Variants in ANKRD6 observed in about 807,000 individuals in gnomAD.
ANKRD6 encodes ankyrin repeat domain 6.
ANKRD6 carries 56 observed loss-of-function variants against 82.3 expected under a neutral mutation model. That is an observed-to-expected ratio of 0.68 (90% confidence interval 0.55 to 0.85). The LOEUF (loss-of-function observed/expected upper bound fraction) is 0.85, where lower values mean the gene tolerates loss of function less well. Ranked by LOEUF, ANKRD6 falls within the 40% of genes least tolerant of loss-of-function variation. The probability of loss-of-function intolerance (pLI) is 0.00; values close to 1 mark genes in which losing one functional copy is unlikely to be tolerated. For missense variants in ANKRD6, 852 were observed against 907.6 expected (o/e 0.94, Z 0.79); for synonymous variants, 347 against 352.1 (o/e 0.99, Z 0.16).
At chr6:89,545,212 C>CAAAAAA (rs754348482) in intron 1 of ANKRD6, among the ~76,000 whole-genome samples, 2 of 86,276 alleles carry the variant, frequency 2.3e-5, no homozygotes, top group Non-Finnish European at 2.2e-5. Flanking sequence ...GACTCCATCT[C>CAAAAAA]AAAAAAAAAA....
At chr6:89,622,112 GGTGGCTGCCCGGC>G in intron 10 of ANKRD6, 86 bp downstream of exon 10, 2 of 1,255,122 alleles carry the variant, frequency 1.6e-6, no homozygotes, top group South Asian at 2.8e-5. Flanking sequence ...AGGTTCACCT[GGTGGCTGCCCGGC>G]CCTCTCTGCC....
At chr6:89,490,556 C>T (rs531413001) in intron 1 of ANKRD6, among the ~76,000 whole-genome samples, 8 of 152,124 alleles carry the variant, frequency 5.3e-5, no homozygotes, top group Non-Finnish European at 8.8e-5. Flanking sequence ...CAGATGATAG[C>T]GGGGAGACAG....
At position 89,556,721 on chromosome 6, in the gene ANKRD6, C is replaced by G. The variant is rs188281227; in HGVS notation, c.-143-10113C>G. Among the ~76,000 whole-genome samples the G allele has an allele frequency of 9.2e-4, 140 of 152,298 alleles. 1 individual carries two copies. The South Asian group carries it at 0.013, about 14-fold the overall frequency. Reference sequence around the variant, plus strand: ...AGATCAAGGAACATCTAAACAGTAACCATAGAACCATGCTTATGTTAACTG... The same window carrying G: ...AGATCAAGGAACATCTAAACAGTAAGCATAGAACCATGCTTATGTTAACTG... On this transcript the variant is annotated intron_variant, in intron 1 of 15. Coordinates refer to ENST00000339746, the MANE Select transcript of ANKRD6 (RefSeq NM_001242809.2).
intron 1 of ANKRD6, among the ~76,000 whole-genome samples, chr6:89,504,339 T>C (rs1779593105): frequency 6.6e-6 from 1 of 152,110 alleles, no homozygotes; most frequent in South Asian, 2.1e-4. Flanking sequence ...AGGTTCTCCA[T>C]AGAGGGTAGC....
At chr6:89,555,066 T>C in intron 1 of ANKRD6, among the ~76,000 whole-genome samples, 2 of 71,400 alleles carry the variant, frequency 2.8e-5, no homozygotes, top group African/African-American at 5.8e-5. Flanking sequence ...CTCCCCCCCT[T>C]CTCTTCTCAT....
intron 1 of ANKRD6, among the ~76,000 whole-genome samples, chr6:89,527,619 A>G (rs1474530588): frequency 6.6e-6 from 1 of 151,258 alleles, no homozygotes; most frequent in Non-Finnish European, 1.5e-5. Context: ...AAAAAAAAAA[A>G]AAAAAAAGAA....
chr6:89,436,470 G>A (rs935220955), intron 1 of ANKRD6, among the ~76,000 whole-genome samples: 21 of 152,146 alleles, frequency 1.4e-4, no homozygotes, highest in African/African-American at 5.1e-4. Context: ...TTTCTACATT[G>A]CCCATTTTAA....
chr6:89,547,231 G>A (rs1234181877), intron 1 of ANKRD6, among the ~76,000 whole-genome samples: 2 of 151,972 alleles, frequency 1.3e-5, no homozygotes, highest in Admixed American at 1.3e-4. Flanking sequence ...CTAGCAATGA[G>A]TTGAGGCAGA....
chr6:89,498,839 A>G (rs1290099040), intron 1 of ANKRD6, among the ~76,000 whole-genome samples: 2 of 152,204 alleles, frequency 1.3e-5, no homozygotes, highest in African/African-American at 4.8e-5. Context: ...TAATGTTTTC[A>G]TAATTATTGA....
intron 2 of ANKRD6, among the ~76,000 whole-genome samples, chr6:89,574,446 C>T (rs1269244705): frequency 6.6e-6 from 1 of 152,124 alleles, no homozygotes; most frequent in Admixed American, 6.5e-5. Context: ...TCCATAAGCA[C>T]TAAATGTGAT....
At chr6:89,613,994 T>C (rs566237597) in intron 7 of ANKRD6, 104 bp downstream of exon 7, 473 of 1,161,350 alleles carry the variant, frequency 4.1e-4, no homozygotes, top group Non-Finnish European at 5.5e-4. Context: ...GAAGCTGCCA[T>C]GTCACCTACC....
intron 1 of ANKRD6, among the ~76,000 whole-genome samples, chr6:89,459,222 G>A (rs1773844467): frequency 6.6e-6 from 1 of 152,116 alleles, no homozygotes; most frequent in Admixed American, 6.5e-5. Context: ...GGGATTACAG[G>A]CATGTGCCAC....
In ANKRD6 at chr6:89,630,827, G is replaced by A. The variant is rs766126408; in HGVS notation, c.2007G>A (p.Gln669=). Residue 669 remains glutamine, a synonymous_variant, in exon 16 of 16, where the codon CAG becomes CAA. Coordinates refer to ENST00000339746, the MANE Select transcript of ANKRD6 (RefSeq NM_001242809.2). ...CCTCCCAAGCTCTGGAGCTTACCCA[G>A]TATTTTTTTGAGGCTGTTTCTACCC... ...RDTSQALELT[Q]YFFEAVSTQM... 8 of 1,613,790 alleles carry A rather than the reference G, an allele frequency of 5.0e-6. No homozygotes were observed. The Admixed American group carries it at 1.3e-4, about 27-fold the overall frequency.
At chr6:89,542,963 G>C (rs1007895338) in intron 1 of ANKRD6, among the ~76,000 whole-genome samples, 1 of 152,188 alleles carries the variant, frequency 6.6e-6, no homozygotes, top group Non-Finnish European at 1.5e-5. Context: ...GTAACTTTGT[G>C]GGAAGGGTGG....
intron 13 of ANKRD6, among the ~76,000 whole-genome samples, chr6:89,625,545 G>GT (rs1437451742): frequency 5.9e-5 from 9 of 151,884 alleles, no homozygotes; most frequent in Non-Finnish European, 1.2e-4. Context: ...TGACACACAT[G>GT]TTTTTTTAAC....
At chr6:89,461,770 GA>G (rs1193100622) in intron 1 of ANKRD6, among the ~76,000 whole-genome samples, 1 of 152,190 alleles carries the variant, frequency 6.6e-6, no homozygotes, top group East Asian at 1.9e-4. Flanking sequence ...TTTGTGAATA[GA>G]GTATGAGAAA....
intron 1 of ANKRD6, among the ~76,000 whole-genome samples, chr6:89,515,083 A>G (rs1359435529): frequency 6.6e-6 from 1 of 152,184 alleles, no homozygotes; most frequent in Non-Finnish European, 1.5e-5. Flanking sequence ...TCTTCTGGAC[A>G]TCAGACCTTA....
Position 89,595,227 on chromosome 6 carries a change from G to C in ANKRD6, c.121-689G>C, listed in dbSNP as rs375215430. Among the ~76,000 whole-genome samples, 5 of 152,310 alleles carry C rather than the reference G, an allele frequency of 3.3e-5. No individual in the cohort carries two copies. The East Asian group carries it at 9.6e-4, about 29-fold the overall frequency. ...AAATACAGAAATTAGCTAGGTGGTA[G>C]TGGTGTGCACCTGTAATTCCAGCTA... On this transcript the variant is annotated intron_variant, in intron 2 of 15. Coordinates refer to ENST00000339746, the MANE Select transcript of ANKRD6 (RefSeq NM_001242809.2).
intron 1 of ANKRD6, among the ~76,000 whole-genome samples, chr6:89,456,178 C>A (rs1773485989): frequency 6.6e-6 from 1 of 152,138 alleles, no homozygotes; most frequent in Non-Finnish European, 1.5e-5. Flanking sequence ...TGGACTAATA[C>A]ACCATTGATG....
Sources: allele counts gnomAD v4.1 joint callset (sites outside exome capture counted in the v4.1 genomes callset), GRCh38; gene constraint gnomAD v4.1.1; transcripts MANE v1.5; gene names NCBI Gene and HGNC (gene_info 2026-07-23, HGNC 2026-07-21).